Variants in CSMD1 observed in about 807,000 individuals in gnomAD.
CSMD1 encodes the protein CUB and Sushi multiple domains 1.
CSMD1 carries 213 observed loss-of-function variants against 417.5 expected under a neutral mutation model. That is an observed-to-expected ratio of 0.51 (90% CI 0.46 to 0.57). CSMD1 has a LOEUF of 0.57. Among genes scored for constraint, CSMD1 ranks in the 20% least tolerant of loss-of-function variants. CSMD1 has a pLI of 0.00. For missense variants in CSMD1, 6,923 were observed against 4,529.7 expected (o/e 1.53, Z -15.17); for synonymous variants, 2,862 against 1,736.8 (o/e 1.65, Z -16.11).
At chr8:3,763,572 C>G (rs776164401) in intron 5 of CSMD1, among the ~76,000 whole-genome samples, 67 of 152,118 alleles carry the variant, frequency 4.4e-4, no homozygotes, top group African/African-American at 1.5e-3. Context: ...GTGCTAGCCC[C>G]GTTTGGTACA....
chr8:4,102,011 G>A (rs17068996), intron 3 of CSMD1, among the ~76,000 whole-genome samples: 2,773 of 152,196 alleles, frequency 0.018, 89 homozygotes, highest in African/African-American at 0.065. Context: ...AATAGCTGAG[G>A]GATTACTGTC....
chr8:3,758,459 A>G lies in CSMD1; in HGVS notation c.819-4417T>C, dbSNP rs140275887. On this transcript the variant is annotated intron_variant, in intron 5 of 69. Coordinates refer to ENST00000635120, the MANE Select transcript of CSMD1 (RefSeq NM_033225.6). ...TTTGTTTGGGAAAGGGGGTTGTTCC[A>G]AATGAGACCTGGCCTTAGAACTGTG... Among the ~76,000 whole-genome samples, 254 of 152,330 alleles carry G rather than the reference A, an allele frequency of 1.7e-3. 1 individual carries two copies. The highest frequency in any genetic ancestry group is 5.8e-3 in the African/African-American group (240 of 41,578).
At chr8:4,211,597 T>C (rs1800317767) in intron 3 of CSMD1, among the ~76,000 whole-genome samples, 1 of 152,200 alleles carries the variant, frequency 6.6e-6, no homozygotes, top group South Asian at 2.1e-4. Flanking sequence ...ACGGCAAAAG[T>C]CATCTCCAAG....
At chr8:3,540,474 A>T (rs530024874) in intron 10 of CSMD1, among the ~76,000 whole-genome samples, 51 of 152,344 alleles carry the variant, frequency 3.3e-4, no homozygotes, top group Admixed American at 3.3e-3. Context: ...AGTCACGGGC[A>T]ACGAATTCAT....
rs1261547833 is a variant in CSMD1, at chr8:4,410,732, AATT to A, written c.415+9218_415+9220del. 5.3e-5 allele frequency among the ~76,000 whole-genome samples: 8 copies of A among 152,346 alleles called. No individual in the cohort carries two copies. The East Asian group carries it at 1.3e-3, about 26-fold the overall frequency. Reference sequence around the variant, plus strand: ...GGAGAGAAGTATGTACAGAAGATAAAATTATGATTAAGATGAAAAATATTAAGA... The same window carrying A: ...GGAGAGAAGTATGTACAGAAGATAAAATGATTAAGATGAAAAATATTAAGA... On this transcript the variant is annotated intron_variant, in intron 3 of 69. Transcript: ENST00000635120.
intron 3 of CSMD1, among the ~76,000 whole-genome samples, chr8:4,323,329 T>C (rs1167940169): frequency 6.6e-6 from 1 of 152,128 alleles, no homozygotes; most frequent in Non-Finnish European, 1.5e-5. Context: ...CTTCAACCCC[T>C]AAAATTCATG....
intron 49 of CSMD1, among the ~76,000 whole-genome samples, chr8:3,066,931 T>G (rs1314474256): frequency 6.6e-6 from 1 of 152,172 alleles, no homozygotes; most frequent in African/African-American, 2.4e-5. Flanking sequence ...GAGCTTCTAG[T>G]TAAGAGAAGT....
At chr8:3,162,802 G>A (rs1819981142) in intron 37 of CSMD1, among the ~76,000 whole-genome samples, 1 of 151,798 alleles carries the variant, frequency 6.6e-6, no homozygotes, top group South Asian at 2.1e-4. Flanking sequence ...CTCATGAACA[G>A]TCTGTTCTTC....
chr8:3,848,783 T>A (rs1191124201), intron 5 of CSMD1, among the ~76,000 whole-genome samples: 1 of 152,136 alleles, frequency 6.6e-6, no homozygotes, highest in Non-Finnish European at 1.5e-5. Context: ...TATTTAGTAC[T>A]GTAGAAAAAA....
chr8:4,339,276 A>G (rs559353111), intron 3 of CSMD1, among the ~76,000 whole-genome samples: 162 of 152,268 alleles, frequency 1.1e-3, no homozygotes, highest in African/African-American at 3.7e-3. Context: ...TAGGAAGTTG[A>G]TAACTACTTC....
chr8:3,366,645 G>C (rs1809585444), intron 20 of CSMD1, among the ~76,000 whole-genome samples: 1 of 152,232 alleles, frequency 6.6e-6, no homozygotes, highest in African/African-American at 2.4e-5. Flanking sequence ...CCTACCGTAG[G>C]GTAGAAACCA....
At chr8:3,749,453 A>T (rs1203182072) in intron 6 of CSMD1, among the ~76,000 whole-genome samples, 1 of 152,208 alleles carries the variant, frequency 6.6e-6, no homozygotes, top group Non-Finnish European at 1.5e-5. Context: ...TGATGATATA[A>T]TTGGAGAGGT....
At chr8:3,407,776 CATA>C in intron 14 of CSMD1, 120 bp downstream of exon 14, 1 of 845,384 alleles carries the variant, frequency 1.2e-6, no homozygotes, top group Non-Finnish European at 1.8e-6. Flanking sequence ...CTGTCATTTT[CATA>C]ATGATTATAA....
chr8:3,508,697 C>G (rs78681125), intron 10 of CSMD1, among the ~76,000 whole-genome samples: 2 of 151,786 alleles, frequency 1.3e-5, no homozygotes, highest in Non-Finnish European at 2.9e-5. Context: ...AAATTTTCTG[C>G]GAGTTTTATG....
intron 3 of CSMD1, among the ~76,000 whole-genome samples, chr8:4,279,895 G>C (rs1045278000): frequency 8.5e-5 from 13 of 152,148 alleles, no homozygotes; most frequent in Non-Finnish European, 1.5e-4. Flanking sequence ...TGCGTCAAAA[G>C]CTTGTGTTCT....
chr8:4,665,874 G>A (rs977836925), intron 1 of CSMD1, among the ~76,000 whole-genome samples: 3 of 152,124 alleles, frequency 2.0e-5, no homozygotes, highest in Non-Finnish European at 4.4e-5. Flanking sequence ...AATTACCTAG[G>A]AAGACCTTGC....
At chr8:3,725,280 C>T (rs563899477) in intron 6 of CSMD1, among the ~76,000 whole-genome samples, 6 of 152,262 alleles carry the variant, frequency 3.9e-5, no homozygotes, top group African/African-American at 9.6e-5. Context: ...TTGGCAGGTC[C>T]AGGGCCATGA....
intron 3 of CSMD1, among the ~76,000 whole-genome samples, chr8:4,083,899 C>T (rs570355199): frequency 2.0e-5 from 3 of 152,120 alleles, no homozygotes; most frequent in African/African-American, 7.2e-5. Flanking sequence ...CCAGAGTGAA[C>T]AGGCGACTTA....
intron 29 of CSMD1, 77 bp downstream of exon 29, chr8:3,219,178 T>G: frequency 8.4e-7 from 1 of 1,184,134 alleles, no homozygotes; most frequent in South Asian, 1.4e-5. Context: ...ACAAGCAAGA[T>G]GTTACAAAGC....
Sources: allele counts gnomAD v4.1 joint callset (sites outside exome capture counted in the v4.1 genomes callset), GRCh38; gene constraint gnomAD v4.1.1; transcripts MANE v1.5; gene names NCBI Gene and HGNC (gene_info 2026-07-23, HGNC 2026-07-21).